E2F6: variants seen among roughly 807,000 people sequenced by gnomAD.
E2F6 encodes transcription factor E2F6.
Under a neutral mutation model 31.5 loss-of-function variants are expected in E2F6, and 19 were observed. The observed-to-expected ratio is 0.60, with a 90% CI of 0.42 to 0.89. The LOEUF is 0.89. Among genes scored for constraint, E2F6 ranks in the 40% least tolerant of loss-of-function variants. The probability of loss-of-function intolerance (pLI) is 0.00; values close to 1 mark genes in which losing one functional copy is unlikely to be tolerated. For synonymous variants in E2F6, 121 were observed against 127.7 expected (o/e 0.95, Z 0.36); for missense variants, 269 against 341.6 (o/e 0.79, Z 1.67).
intron 1 of E2F6, 116 bp downstream of exon 1, chr2:11,465,656 T>C (rs1006296278): frequency 8.6e-5 from 89 of 1,037,822 alleles, no homozygotes; most frequent in Non-Finnish European, 1.1e-4. Flanking sequence ...GGGCAGCGCC[T>C]GGCCCAGGGG....
intron 6 of E2F6, 118 bp downstream of exon 6, chr2:11,447,509 A>C (rs1670791757): frequency 9.2e-7 from 1 of 1,083,520 alleles, no homozygotes; most frequent in South Asian, 1.5e-5. Context: ...GTTATGCTGT[A>C]ATTTTTTACT....
At chr2:11,451,927 T>C (rs1035932952) in intron 3 of E2F6, 121 bp from the exon 4 acceptor site, 17 of 916,326 alleles carry the variant, frequency 1.9e-5, no homozygotes, top group Admixed American at 2.8e-5. Context: ...CAATAGAAAC[T>C]AGGGACTTTT....
chr2:11,456,209 C>T lies in E2F6; in HGVS notation c.163+970G>A, dbSNP rs143136592. On this transcript the variant is annotated intron_variant, in intron 2 of 6. Transcript: ENST00000381525. ...ATGCAAACACTTAAAATCAAATATA[C>T]AAGGAATCAGGGTTTTCTCTACATG... Among the ~76,000 whole-genome samples the T allele has an allele frequency of 9.6e-3, 1,469 of 152,272 alleles. 18 individuals carry two copies. The highest frequency in any genetic ancestry group is 0.033 in the African/African-American group (1,388 of 41,542).
chr2:11,453,353 C>T (rs1671191687), intron 3 of E2F6, among the ~76,000 whole-genome samples: 1 of 152,148 alleles, frequency 6.6e-6, no homozygotes. Context: ...GTTTTACAAC[C>T]TTAACAAATT....
At chr2:11,447,511 T>G (rs1291495918) in intron 6 of E2F6, 116 bp downstream of exon 6, 2 of 1,125,222 alleles carry the variant, frequency 1.8e-6, no homozygotes, top group Admixed American at 4.5e-5. Flanking sequence ...TATGCTGTAA[T>G]TTTTTACTCA....
chr2:11,461,280 C>A (rs1285477939), intron 1 of E2F6, among the ~76,000 whole-genome samples: 1 of 152,224 alleles, frequency 6.6e-6, no homozygotes, highest in East Asian at 1.9e-4. Context: ...GGACCCCACT[C>A]TTTCCCAACC....
At chr2:11,457,579 T>G (rs185402513) in intron 1 of E2F6, among the ~76,000 whole-genome samples, 17 of 152,218 alleles carry the variant, frequency 1.1e-4, no homozygotes, top group African/African-American at 3.6e-4. Context: ...GCCAAGATCA[T>G]GCCACTGCAC....
intron 4 of E2F6, 45 bp from the exon 5 acceptor site, chr2:11,450,171 G>T: frequency 7.5e-7 from 1 of 1,327,700 alleles, no homozygotes; most frequent in South Asian, 1.3e-5. Flanking sequence ...TGTTTACTGG[G>T]GAGGTAATTT....
intron 2 of E2F6, among the ~76,000 whole-genome samples, chr2:11,456,687 TCA>T (rs924176454): frequency 2.0e-5 from 3 of 152,138 alleles, no homozygotes; most frequent in Non-Finnish European, 4.4e-5. Flanking sequence ...CTGACCAAAC[TCA>T]GTGACCAACT....
rs747624661 is a variant in E2F6 at position 11,453,575 on chromosome 2, A to C, written c.380+7T>G. On this transcript the variant is annotated splice_region_variant and intron_variant, in intron 3 of 6. Transcript: ENST00000381525. ...AAAAGCCACGAAAAAGTTTGAAAGC[A>C]ACTCACATCCATCTAATATGGTTCT... 15 of 1,612,262 alleles carry C rather than the reference A, an allele frequency of 9.3e-6. No individual in the cohort carries two copies. In the South Asian group the frequency reaches 1.4e-4, roughly 15 times the overall value.
At chr2:11,452,054 AT>A (rs1418853629) in intron 3 of E2F6, among the ~76,000 whole-genome samples, 2 of 152,226 alleles carry the variant, frequency 1.3e-5, no homozygotes, top group African/African-American at 4.8e-5. Context: ...ACAGAAATTA[AT>A]AACAGCAGAG....
At chr2:11,455,441 T>C (rs1426585274) in intron 2 of E2F6, 2 of 1,295,090 alleles carry the variant, frequency 1.5e-6, no homozygotes, top group South Asian at 1.3e-5. Flanking sequence ...TATTTCATAA[T>C]ATAAATGTCT....
In E2F6 at chr2:11,465,773, A is replaced by G. The variant is rs933516776; in HGVS notation, c.107T>C (p.Leu36Pro). The G allele has an allele frequency of 6.3e-7, 1 of 1,591,984 alleles. No individual in the cohort carries two copies. Among genetic ancestry groups the G allele is most frequent in the South Asian group, 1.1e-5 (1 of 87,478 alleles). The change falls in exon 1 of 7, where the codon CTG becomes CCG. Residue 36 changes from leucine (L) to proline (P), a missense_variant and splice_region_variant. By Grantham distance (98) the Leu-to-Pro change is moderately conservative. Transcript: ENST00000381525. ...CRDPINVEGL[L>P]PSKIRINLED... is the part of the protein sequence containing the mutation. The stretch of plus-strand genomic sequence containing the variant: ...TCCCCGTCCCGTCCCGGAGCTTACC[A>G]GCAGGCCCTCCACGTTGATGGGGTC...
chr2:11,450,626 T>C (rs760421657), intron 4 of E2F6, among the ~76,000 whole-genome samples: 1 of 152,240 alleles, frequency 6.6e-6, no homozygotes, highest in Non-Finnish European at 1.5e-5. Context: ...AAGACTATCA[T>C]GTATGATGTT....
At position 11,465,992 on chromosome 2, in the gene E2F6, G is replaced by T; in HGVS notation, c.-113C>A. On this transcript the variant is annotated 5_prime_UTR_variant, in exon 1 of 7. Coordinates refer to ENST00000381525, the MANE Select transcript of E2F6 (RefSeq NM_198256.4). ...CGATTTCCAAGGGCCCAGCACCTAA[G>T]GGGTCCGCGGCTTCCTCCGAGGCGC... 7 of 975,256 alleles carry T rather than the reference G, an allele frequency of 7.2e-6. No homozygotes were observed. The South Asian group carries it at 1.4e-4, about 19-fold the overall frequency. The allele number at this position is 975,256 out of a possible 1,614,324, so 60.4% of individuals were successfully genotyped here.
chr2:11,461,218 G>T (rs1671758930), intron 1 of E2F6, among the ~76,000 whole-genome samples: 1 of 152,046 alleles, frequency 6.6e-6, no homozygotes, highest in East Asian at 1.9e-4. Flanking sequence ...CAGAATTTAG[G>T]GGCTCAATGT....
In E2F6 at chr2:11,446,146, G is replaced by C. The variant is rs1670698281; in HGVS notation, c.*331C>G. The C allele has an allele frequency of 3.1e-6, 1 of 320,672 alleles. No homozygotes were observed. Among genetic ancestry groups the C allele is most frequent in the South Asian group, 6.3e-5 (1 of 15,810 alleles). The allele number at this position is 320,672 out of a possible 1,614,324, so 19.9% of individuals were successfully genotyped here. A position where few individuals can be genotyped will look rare whatever the true frequency, so the allele number is the denominator to read the frequency against. On this transcript the variant is annotated 3_prime_UTR_variant, in exon 7 of 7. Transcript: ENST00000381525. The stretch of plus-strand genomic sequence containing the variant: ...TGATATATGACATACTCCTTGAAGG[G>C]AAGGGTAGAGTCCACAAAGAACTGT...
At chr2:11,449,944 T>C (rs1670958269) in intron 5 of E2F6, 68 bp downstream of exon 5, 1 of 1,273,476 alleles carries the variant, frequency 7.9e-7, no homozygotes, top group Admixed American at 1.8e-5. Context: ...ATGACTGCAA[T>C]AAATCACAGC....
chr2:11,454,825 C>T (rs1671303736), intron 2 of E2F6, among the ~76,000 whole-genome samples: 1 of 151,926 alleles, frequency 6.6e-6, no homozygotes, highest in African/African-American at 2.4e-5. Flanking sequence ...TTTTTAAAAA[C>T]AAAAATAGGA....
Sources: allele counts gnomAD v4.1 joint callset (sites outside exome capture counted in the v4.1 genomes callset), GRCh38; gene constraint gnomAD v4.1.1; transcripts MANE v1.5; gene names NCBI Gene and HGNC (gene_info 2026-07-23, HGNC 2026-07-21).